MRS2: variants seen among roughly 807,000 people sequenced by gnomAD.
MRS2 encodes the protein magnesium transporter MRS2.
In MRS2, 40 loss-of-function variants were observed where a neutral mutation model predicts 52.6. That is an observed-to-expected ratio of 0.76 (90% CI 0.59 to 0.99). The LOEUF (loss-of-function observed/expected upper bound fraction) is 0.99. Ranked by LOEUF, MRS2 falls within the 50% of genes least tolerant of loss-of-function variation. The pLI, the probability that MRS2 is intolerant of heterozygous loss-of-function variation, is 0.00. For missense variants in MRS2, 472 were observed against 532.7 expected, an observed-to-expected ratio of 0.89 and a Z score of 1.12; for synonymous variants, 193 against 195.9, an observed-to-expected ratio of 0.98 and a Z score of 0.13.
At chr6:24,417,126 T>A (rs372018707) in intron 7 of MRS2, among the ~76,000 whole-genome samples, 2 of 152,240 alleles carry the variant, frequency 1.3e-5, no homozygotes, top group South Asian at 2.1e-4. Context: ...AATTGGTTAT[T>A]TATATCCTGA....
At chr6:24,419,837 A>G (rs1402304444) in intron 9 of MRS2, among the ~76,000 whole-genome samples, 1 of 152,156 alleles carries the variant, frequency 6.6e-6, no homozygotes, top group Non-Finnish European at 1.5e-5. Flanking sequence ...TCAACCTTGC[A>G]TATCTGCAGA....
At chr6:24,421,375 A>C (rs1415696817) in intron 9 of MRS2, among the ~76,000 whole-genome samples, 1 of 152,254 alleles carries the variant, frequency 6.6e-6, no homozygotes, top group African/African-American at 2.4e-5. Flanking sequence ...TATCAGAATT[A>C]CAAATTACAC....
chr6:24,423,737 A>G lies in MRS2; in HGVS notation c.*43A>G, dbSNP rs766302849. On this transcript the variant is annotated 3_prime_UTR_variant, in exon 11 of 11. Coordinates refer to ENST00000378386, the MANE Select transcript of MRS2 (RefSeq NM_020662.4). ...CTGAAGTTTTTTTTATGGTAGTTAC[A>G]GGAAACTTCTGATACTCTTTTTATT... 7.4e-6 allele frequency: 7 copies of G among 945,712 alleles called. No homozygotes were observed. In the East Asian group the frequency reaches 1.7e-4, roughly 23 times the overall value. 58.6% of individuals were successfully genotyped at this position (945,712 alleles called of 1,614,324 possible).
At chr6:24,405,840 T>C (rs1448889442) in intron 2 of MRS2, among the ~76,000 whole-genome samples, 2 of 148,460 alleles carry the variant, frequency 1.3e-5, no homozygotes, top group African/African-American at 5.0e-5. Flanking sequence ...GCGTGGTGGC[T>C]CACGCCTGTA....
intron 2 of MRS2, 121 bp downstream of exon 2, chr6:24,405,362 T>G: frequency 2.8e-6 from 2 of 713,438 alleles, no homozygotes; most frequent in Non-Finnish European, 4.8e-6. Context: ...TAGCTACATG[T>G]CGTGGCTGTT....
chr6:24,426,164 T>C lies in MRS2; in HGVS notation c.*2470T>C, dbSNP rs1481332906. The C allele has an allele frequency of 6.6e-6, 1 of 152,248 alleles. No individual in the cohort carries two copies. The highest frequency in any genetic ancestry group is 1.5e-5 in the Non-Finnish European group (1 of 68,040). The allele number at this position is 152,248 out of a possible 1,614,324, so 9.4% of individuals were successfully genotyped here. A position where few individuals can be genotyped will look rare whatever the true frequency, so the allele number is the denominator to read the frequency against. The stretch of plus-strand genomic sequence containing the variant: ...AAATATGTAAATGTCTTCTGATATC[T>C]TGAAATAAAGATAAATTTCAGTTAA... On this transcript the variant is annotated 3_prime_UTR_variant, in exon 11 of 11. Transcript: ENST00000378386.
In MRS2 at chr6:24,418,330, A is replaced by G. The variant is rs1460651085; in HGVS notation, c.989+94A>G. ...TTTTGTGAGGAATTACGCCATCATTATCATCTATACTACATTATTATTATT... is the reference window on the plus strand; with the variant it reads ...TTTTGTGAGGAATTACGCCATCATTGTCATCTATACTACATTATTATTATT... On this transcript the variant is annotated intron_variant, in intron 8 of 10. Coordinates refer to ENST00000378386, the MANE Select transcript of MRS2 (RefSeq NM_020662.4). 5 of 1,494,742 alleles carry G rather than the reference A, an allele frequency of 3.3e-6. No homozygotes were observed. In the African/African-American group the frequency reaches 5.7e-5, roughly 17 times the overall value. 92.6% of individuals were successfully genotyped at this position (1,494,742 alleles called of 1,614,324 possible).
chr6:24,409,182 A>G (rs961489389), intron 3 of MRS2, among the ~76,000 whole-genome samples: 1 of 152,230 alleles, frequency 6.6e-6, no homozygotes, highest in Non-Finnish European at 1.5e-5. Context: ...GGACATTTAT[A>G]GGTTCTAATG....
At position 24,422,926 on chromosome 6, in the gene MRS2, TTC is replaced by T. The variant is rs1182186689; in HGVS notation, c.1108-7_1108-6del. ...CGTTTTGCGATGGAAATGAACTGTGTTCTCTTTTAGGACCATAGAATTTTTTG... is the reference window on the plus strand; with the variant it reads ...CGTTTTGCGATGGAAATGAACTGTGTTCTTTTAGGACCATAGAATTTTTTG... On this transcript the variant is annotated splice_polypyrimidine_tract_variant and intron_variant, in intron 9 of 10. Coordinates refer to ENST00000378386, the MANE Select transcript of MRS2 (RefSeq NM_020662.4). 3.8e-6 allele frequency: 6 copies of T among 1,592,964 alleles called. No individual in the cohort carries two copies. The highest frequency in any genetic ancestry group is 5.2e-6 in the Non-Finnish European group (6 of 1,163,194).
At chr6:24,407,879 C>T (rs1247397958) in intron 2 of MRS2, among the ~76,000 whole-genome samples, 2 of 152,160 alleles carry the variant, frequency 1.3e-5, no homozygotes, top group East Asian at 1.9e-4. Flanking sequence ...ATAAGATTCT[C>T]AAAGGTGGAT....
intron 9 of MRS2, among the ~76,000 whole-genome samples, chr6:24,420,120 C>T (rs896310497): frequency 2.0e-5 from 3 of 152,208 alleles, no homozygotes; most frequent in African/African-American, 7.2e-5. Flanking sequence ...CCTGCCGCAC[C>T]GACTTGTCCA....
At chr6:24,412,098 TTC>T (rs1378111827) in intron 4 of MRS2, 122 bp from the exon 5 acceptor site, 23 of 511,480 alleles carry the variant, frequency 4.5e-5, no homozygotes, top group Non-Finnish European at 9.2e-6. Context: ...TTTATGAATG[TTC>T]TTTTTTCCTA....
intron 2 of MRS2, among the ~76,000 whole-genome samples, chr6:24,406,421 C>T (rs777967334): frequency 6.6e-5 from 10 of 152,014 alleles, no homozygotes; most frequent in Admixed American, 1.3e-4. Context: ...CCCAGAATTG[C>T]GTTTAAAAGT....
At chr6:24,419,524 C>G in intron 9 of MRS2, among the ~76,000 whole-genome samples, 1 of 152,286 alleles carries the variant, frequency 6.6e-6, no homozygotes, top group East Asian at 1.9e-4. Flanking sequence ...ATCATTGCAA[C>G]TCTGAAAATA....
chr6:24,423,402 TA>T (rs1762121696), intron 10 of MRS2, 181 bp from the exon 11 acceptor site: 1 of 493,270 alleles, frequency 2.0e-6, no homozygotes, highest in Admixed American at 3.4e-5. Context: ...ATAACGTTCT[TA>T]AAAGATAGAA....
At position 24,403,185 on chromosome 6, in the gene MRS2, G is replaced by A; in HGVS notation, c.139G>A (p.Gly47Arg). ...AACGRRANLIGRSRAAQLCGP... is the reference protein window; with the variant it reads ...AACGRRANLIRRSRAAQLCGP... ...CTGCGGCCGCCGAGCCAACCTGATT[G>A]GAAGGAGCCGAGCGGCGCAGCTTTG... The change falls in exon 1 of 11, where the codon GGA (glycine) becomes AGA (arginine). Residue 47 changes from glycine to arginine, a missense_variant. Coordinates refer to ENST00000378386, the MANE Select transcript of MRS2 (RefSeq NM_020662.4). 6.2e-7 allele frequency: 1 copy of A among 1,606,066 alleles called. No homozygotes were observed. Among genetic ancestry groups the A allele is most frequent in the Non-Finnish European group, 8.5e-7 (1 of 1,179,760 alleles).
At position 24,402,987 on chromosome 6, in the gene MRS2, A is replaced by C. The variant is rs968554049; in HGVS notation, c.-60A>C. 8.2e-6 allele frequency: 12 copies of C among 1,463,736 alleles called. No homozygotes were observed. The highest frequency in any genetic ancestry group is 9.1e-7 in the Non-Finnish European group (1 of 1,095,500). 90.7% of individuals were successfully genotyped at this position (1,463,736 alleles called of 1,614,324 possible). A position where few individuals can be genotyped will look rare whatever the true frequency, so the allele number is the denominator to read the frequency against. ...GACAGGTCAGAGCTGCGGCCTGAGC[A>C]GCCAGCGTCCGGCATGAAGGTCTGG... On this transcript the variant is annotated 5_prime_UTR_variant, in exon 1 of 11. Transcript: ENST00000378386.
intron 1 of MRS2, 74 bp from the exon 2 acceptor site, chr6:24,405,094 T>G: frequency 1.9e-6 from 2 of 1,066,166 alleles, no homozygotes; most frequent in Admixed American, 3.5e-5. Context: ...CTCCACATAC[T>G]TTGAGAGTTG....
chr6:24,414,155 A>C lies in MRS2; in HGVS notation c.589-878A>C, dbSNP rs904870256. 7.6e-5 allele frequency among the ~76,000 whole-genome samples: 11 copies of C among 143,858 alleles called. No homozygotes were observed. In the South Asian group the frequency reaches 9.2e-4, roughly 12 times the overall value. 94.4% of individuals were successfully genotyped at this position (143,858 alleles called of 152,430 possible). On this transcript the variant is annotated intron_variant, in intron 5 of 10. Coordinates refer to ENST00000378386, the MANE Select transcript of MRS2 (RefSeq NM_020662.4). ...ATAGGAGAAAGACTTTTTTTTTTAA[A>C]TTTTTTTAGTATTTATTGATCATTC...
Sources: gnomAD v4.1 joint callset for allele counts (sites outside exome capture counted in the v4.1 genomes callset) on GRCh38, gnomAD v4.1.1 for gene constraint, MANE v1.5 for transcripts, NCBI Gene and HGNC (gene_info 2026-07-23, HGNC 2026-07-21) for gene names.